Variants in ARFGEF1 observed in about 807,000 individuals in gnomAD.
The protein encoded by ARFGEF1 is ARF guanine nucleotide exchange factor 1.
In ARFGEF1, 42 loss-of-function variants were observed where a neutral mutation model predicts 231.0. That is an observed-to-expected ratio of 0.18 (90% CI 0.14 to 0.24). ARFGEF1 has a LOEUF of 0.24. Ranked by LOEUF, ARFGEF1 falls within the 10% of genes least tolerant of loss-of-function variation. ARFGEF1 has a pLI of 1.00. For synonymous variants in ARFGEF1, 710 were observed against 732.3 expected, an observed-to-expected ratio of 0.97 and a Z score of 0.49; for missense variants, 1,345 against 2,192.0, an observed-to-expected ratio of 0.61 and a Z score of 7.72.
chr8:67,212,015 G>A (rs773856640), intron 33 of ARFGEF1, among the ~76,000 whole-genome samples: 1 of 152,128 alleles, frequency 6.6e-6, no homozygotes, highest in Non-Finnish European at 1.5e-5. Flanking sequence ...TAGGAGTGTC[G>A]TATCATGAAG....
At chr8:67,185,104 C>CAA (rs562540567) in intron 5 of ARFGEF1, among the ~76,000 whole-genome samples, 109 of 121,932 alleles carry the variant, frequency 8.9e-4, no homozygotes, top group African/African-American at 1.9e-3. Flanking sequence ...GACTCCGTCT[C>CAA]AAAAAAAAAA....
intron 6 of ARFGEF1, among the ~76,000 whole-genome samples, chr8:67,290,359 G>A (rs1352589851): frequency 6.6e-6 from 1 of 152,030 alleles, no homozygotes; most frequent in Non-Finnish European, 1.5e-5. Context: ...TTGGGTCTTA[G>A]TCCATGTTGT....
chr8:67,231,758 G>T (rs1839560808), intron 23 of ARFGEF1, among the ~76,000 whole-genome samples: 1 of 152,036 alleles, frequency 6.6e-6, no homozygotes, highest in African/African-American at 2.4e-5. Flanking sequence ...GTGGGAATGA[G>T]CAAGTTATTT....
chr8:67,196,074 T>C (rs1837882842), downstream of ARFGEF1: 1 of 154,546 alleles, frequency 6.5e-6, no homozygotes, highest in Non-Finnish European at 1.4e-5. Flanking sequence ...TTTCATGTCA[T>C]TTGTAGCTAC....
intron 7 of ARFGEF1, among the ~76,000 whole-genome samples, chr8:67,279,095 T>C (rs1171862676): frequency 6.6e-6 from 1 of 152,082 alleles, no homozygotes. Context: ...GAGACACCAT[T>C]GCTACAAAAA....
At chr8:67,261,442 G>A (rs964555667) in intron 14 of ARFGEF1, among the ~76,000 whole-genome samples, 8 of 152,134 alleles carry the variant, frequency 5.3e-5, no homozygotes, top group African/African-American at 1.7e-4. Context: ...CTCTAGAAAT[G>A]GAACAACAAA....
At chr8:67,322,375 C>T (rs938985216) in intron 1 of ARFGEF1, among the ~76,000 whole-genome samples, 1 of 152,182 alleles carries the variant, frequency 6.6e-6, no homozygotes, top group African/African-American at 2.4e-5. Context: ...CTTTTCCTGG[C>T]TAAAATCCAT....
At chr8:67,200,162 C>T (rs1239331321) in intron 38 of ARFGEF1, 2 of 544,790 alleles carry the variant, frequency 3.7e-6, no homozygotes, top group Non-Finnish European at 7.0e-6. Context: ...TGATCCCTCG[C>T]CTACTGAATC....
intron 33 of ARFGEF1, among the ~76,000 whole-genome samples, chr8:67,215,501 T>A (rs1838894124): frequency 6.6e-6 from 1 of 152,220 alleles, no homozygotes; most frequent in Non-Finnish European, 1.5e-5. Flanking sequence ...GATGAGATCA[T>A]CCTGGATTTC....
At chr8:67,211,702 A>G in intron 33 of ARFGEF1, 87 bp from the exon 34 acceptor site, 1 of 744,322 alleles carries the variant, frequency 1.3e-6, no homozygotes, top group Non-Finnish European at 1.9e-6. Context: ...TTAAAAAATT[A>G]TATTATGTCC....
intron 15 of ARFGEF1, among the ~76,000 whole-genome samples, chr8:67,259,177 A>T (rs1429928076): frequency 6.6e-6 from 1 of 152,132 alleles, no homozygotes; most frequent in Non-Finnish European, 1.5e-5. Flanking sequence ...TGGATACAGA[A>T]CTCATGGCTA....
chr8:67,223,247 T>C (rs184072117), intron 29 of ARFGEF1, among the ~76,000 whole-genome samples: 4 of 152,310 alleles, frequency 2.6e-5, no homozygotes, highest in Admixed American at 2.0e-4. Flanking sequence ...TCTCAATTTG[T>C]TGCCTAGGCT....
chr8:67,188,028 C>G (rs560906641), intron 5 of ARFGEF1, among the ~76,000 whole-genome samples: 1 of 152,026 alleles, frequency 6.6e-6, no homozygotes, highest in South Asian at 2.1e-4. Flanking sequence ...ATTGATAAGC[C>G]GGACTTTGTA....
rs113415882 is a variant in ARFGEF1, at chr8:67,253,386, A to C, written c.2698+65T>G. On this transcript the variant is annotated intron_variant, in intron 18 of 38. Transcript: ENST00000262215. ...AACCACCACACCTGACCATAAGTGA[A>C]AAACTCTTAGGAACCCATATTTTTC... is the stretch of plus-strand genomic sequence containing the variant. The C allele has an allele frequency of 6.4e-5, 79 of 1,225,436 alleles. No homozygotes were observed. In the African/African-American group the frequency reaches 9.6e-4, roughly 15 times the overall value. The allele number at this position is 1,225,436 out of a possible 1,614,324, so 75.9% of individuals were successfully genotyped here. A position where few individuals can be genotyped will look rare whatever the true frequency, so the allele number is the denominator to read the frequency against.
At chr8:67,247,462 C>T (rs1201416086) in intron 19 of ARFGEF1, among the ~76,000 whole-genome samples, 1 of 150,332 alleles carries the variant, frequency 6.7e-6, no homozygotes, top group Non-Finnish European at 1.5e-5. Flanking sequence ...ATGTGATACA[C>T]CATATCAATA....
chr8:67,273,876 C>G (rs533701936), intron 9 of ARFGEF1, among the ~76,000 whole-genome samples: 12 of 152,274 alleles, frequency 7.9e-5, no homozygotes, highest in African/African-American at 2.9e-4. Flanking sequence ...ACTTCCTATT[C>G]TAGCTCACAT....
chr8:67,200,551 A>G (rs374178027), intron 37 of ARFGEF1, 38 bp from the exon 38 acceptor site: 1 of 1,266,176 alleles, frequency 7.9e-7, no homozygotes, highest in African/African-American at 1.5e-5. Context: ...TTACTTGCGT[A>G]TCTACTGGTC....
intron 4 of ARFGEF1, 32 bp from the exon 5 acceptor site, chr8:67,296,642 G>T: frequency 6.6e-7 from 1 of 1,515,474 alleles, no homozygotes; most frequent in South Asian, 1.2e-5. Flanking sequence ...AAGTTAAAGA[G>T]ATTTTCTTTT....
chr8:67,275,691 T>C (rs1355323328), intron 9 of ARFGEF1, among the ~76,000 whole-genome samples: 1 of 152,136 alleles, frequency 6.6e-6, no homozygotes, highest in Non-Finnish European at 1.5e-5. Flanking sequence ...TCATACCCTT[T>C]AGGAAATAGC....
Sources: gnomAD v4.1 joint callset for allele counts (sites outside exome capture counted in the v4.1 genomes callset) on GRCh38, gnomAD v4.1.1 for gene constraint, MANE v1.5 for transcripts, NCBI Gene and HGNC (gene_info 2026-07-23, HGNC 2026-07-21) for gene names.